Variants in EPPIN observed in about 807,000 individuals in gnomAD.
EPPIN encodes WAP four-disulfide core domain protein 7.
In EPPIN, 14 loss-of-function variants were observed where a neutral mutation model predicts 18.8. That is an observed-to-expected ratio of 0.75 (90% confidence interval 0.49 to 1.17). The LOEUF is 1.17. Among genes scored for constraint, EPPIN ranks in the 50% most tolerant of loss-of-function variants. The probability of loss-of-function intolerance (pLI) is 0.00; values close to 1 mark genes in which losing one functional copy is unlikely to be tolerated. For missense variants in EPPIN, 143 were observed against 154.2 expected (o/e 0.93, Z 0.39); for synonymous variants, 57 against 54.8 (o/e 1.04, Z -0.18).
chr20:45,542,636 C>G lies in EPPIN; in HGVS notation c.391+64G>C, dbSNP rs1241201854. 1.9e-6 allele frequency: 3 copies of G among 1,569,390 alleles called. No individual in the cohort carries two copies. The African/African-American group carries it at 4.1e-5, about 21-fold the overall frequency. On this transcript the variant is annotated intron_variant, in intron 3 of 3. Transcript: ENST00000354280. The stretch of plus-strand genomic sequence containing the variant: ...ATGTAGCTGTCCTGGAATGGACCAG[C>G]CAACACCCAGACCTCCCGGCATGGG...
intron 3 of EPPIN, chr20:45,542,499 C>G: frequency 1.3e-6 from 1 of 749,214 alleles, no homozygotes; most frequent in Non-Finnish European, 2.1e-6. Context: ...CTTCTACATC[C>G]CTTCTCATCC....
At chr20:45,542,612 T>A in intron 3 of EPPIN, 88 bp downstream of exon 3, 1 of 1,527,378 alleles carries the variant, frequency 6.5e-7, no homozygotes, top group Admixed American at 2.2e-5. Flanking sequence ...CTGCCAAAGA[T>A]GTAGCTGTCC....
intron 1 of EPPIN, chr20:45,546,136 AC>A: frequency 3.0e-6 from 1 of 337,340 alleles, no homozygotes; most frequent in Non-Finnish European, 5.4e-6. Context: ...CCTGATTGTA[AC>A]AACTGAAAAT....
intron 1 of EPPIN, 77 bp downstream of exon 1, chr20:45,547,190 T>C: frequency 6.3e-7 from 1 of 1,597,338 alleles, no homozygotes; most frequent in South Asian, 1.1e-5. Flanking sequence ...GCAACCCACA[T>C]CTGAAGAGTT....
rs1320502817 is a variant in EPPIN at position 45,540,905 on chromosome 20, A to G, written c.*1239T>C. 1 of 152,204 alleles carries G rather than the reference A, an allele frequency of 6.6e-6. No homozygotes were observed. 9.4% of individuals were successfully genotyped at this position (152,204 alleles called of 1,614,324 possible). A position where few individuals can be genotyped will look rare whatever the true frequency, so the allele number is the denominator to read the frequency against. ...ACCAGAAATACCATTTGACCCAGCA[A>G]TCCCATTACTGGGTATACACTCAAA... On this transcript the variant is annotated 3_prime_UTR_variant, in exon 4 of 4. Coordinates refer to ENST00000354280, the MANE Select transcript of EPPIN (RefSeq NM_020398.4).
chr20:45,544,153 T>C (rs1418597715), intron 2 of EPPIN: 1 of 152,172 alleles, frequency 6.6e-6, no homozygotes, highest in Non-Finnish European at 1.5e-5. Flanking sequence ...CAGAACCTTA[T>C]GGAACGTTGA....
At chr20:45,544,696 C>T (rs1600877232) in intron 2 of EPPIN, 1 of 152,304 alleles carries the variant, frequency 6.6e-6, no homozygotes, top group East Asian at 1.9e-4. Flanking sequence ...CTTTAAGATA[C>T]TCTGTTCCTC....
At chr20:45,542,215 T>A in intron 3 of EPPIN, 61 bp from the exon 4 acceptor site, 3 of 1,604,952 alleles carry the variant, frequency 1.9e-6, no homozygotes, top group Non-Finnish European at 2.6e-6. Flanking sequence ...CTTTGGAGCT[T>A]GAAGTTATGT....
At chr20:45,543,972 C>T (rs1156502544) in intron 2 of EPPIN, 4 of 152,336 alleles carry the variant, frequency 2.6e-5, no homozygotes, top group African/African-American at 7.2e-5. Context: ...CCCCATTCTA[C>T]ATTCCTCACT....
At chr20:45,542,276 G>C (rs1725636489) in intron 3 of EPPIN, 122 bp from the exon 4 acceptor site, 2 of 1,324,518 alleles carry the variant, frequency 1.5e-6, no homozygotes, top group Admixed American at 4.5e-5. Flanking sequence ...TTTGCTTTGG[G>C]GAGCTCTCCA....
chr20:45,546,053 G>T lies in EPPIN; in HGVS notation c.92-283C>A, dbSNP rs74486585. 1,818 of 486,506 alleles carry T rather than the reference G, an allele frequency of 3.7e-3. 74 individuals are homozygous for T. In the East Asian group the frequency reaches 0.053, roughly 14 times the overall value. The allele number at this position is 486,506 out of a possible 1,614,324, so 30.1% of individuals were successfully genotyped here. A position where few individuals can be genotyped will look rare whatever the true frequency, so the allele number is the denominator to read the frequency against. On this transcript the variant is annotated intron_variant, in intron 1 of 3. Coordinates refer to ENST00000354280, the MANE Select transcript of EPPIN (RefSeq NM_020398.4). Reference sequence around the variant, plus strand: ...ATTTGGGCTGGATAATTCTTTGTTTGGGGGGCTGAACTGGGGATTGTAGGA... The same window carrying T: ...ATTTGGGCTGGATAATTCTTTGTTTTGGGGGCTGAACTGGGGATTGTAGGA...
At position 45,547,302 on chromosome 20, in the gene EPPIN, A is replaced by G. The variant is rs1979877174; in HGVS notation, c.56T>C (p.Val19Ala). 1 of 1,613,854 alleles carries G rather than the reference A, an allele frequency of 6.2e-7. No individual in the cohort carries two copies. The highest frequency in any genetic ancestry group is 1.1e-5 in the South Asian group (1 of 91,088). Residue 19 changes from valine to alanine, a missense_variant, in exon 1 of 4, where the codon GTC becomes GCC. Transcript: ENST00000354280. Reference sequence around the variant, plus strand: ...CCAATCAGTCAGACCAGGTCCCTGGACATTCGCTAAGAGGACGAATAGCAC... The same window carrying G: ...CCAATCAGTCAGACCAGGTCCCTGGGCATTCGCTAAGAGGACGAATAGCAC... ...LLVLFVLLANVQGPGLTDWLF... is the reference protein window; with the variant it reads ...LLVLFVLLANAQGPGLTDWLF...
chr20:45,547,208 G>A, intron 1 of EPPIN, 59 bp downstream of exon 1: 30 of 1,610,862 alleles, frequency 1.9e-5, no homozygotes, highest in Non-Finnish European at 2.5e-5. Context: ...GTTCTTCCCT[G>A]TTCCTTCCTC....
chr20:45,543,079 A>G (rs1979671672), intron 2 of EPPIN: 3 of 761,072 alleles, frequency 3.9e-6, no homozygotes, highest in Non-Finnish European at 5.8e-6. Flanking sequence ...GGGTTGTTGC[A>G]GGTGTAATTA....
intron 2 of EPPIN, 138 bp from the exon 3 acceptor site, chr20:45,543,005 CCA>C: frequency 7.7e-7 from 1 of 1,296,620 alleles, no homozygotes; most frequent in Non-Finnish European, 1.0e-6. Flanking sequence ...GAGCACAGCT[CCA>C]CTGACATATT....
chr20:45,545,248 T>G, intron 2 of EPPIN: 2 of 190,806 alleles, frequency 1.0e-5, no homozygotes, highest in South Asian at 1.3e-4. Flanking sequence ...GGCAGAGAGG[T>G]GGTCACTCCA....
At chr20:45,544,675 A>G (rs1285228871) in intron 2 of EPPIN, 1 of 152,044 alleles carries the variant, frequency 6.6e-6, no homozygotes, top group Non-Finnish European at 1.5e-5. Flanking sequence ...CATTTCTATC[A>G]TCTTGAAGTC....
At chr20:45,545,574 C>T (rs887404904) in intron 2 of EPPIN, 65 bp downstream of exon 2, 2 of 1,608,584 alleles carry the variant, frequency 1.2e-6, no homozygotes, top group Non-Finnish European at 1.7e-6. Flanking sequence ...CAAAGCCAGT[C>T]CAGGAAGGCA....
At chr20:45,547,151 A>G (rs1371308927) in intron 1 of EPPIN, 116 bp downstream of exon 1, 3 of 1,448,630 alleles carry the variant, frequency 2.1e-6, no homozygotes, top group African/African-American at 1.4e-5. Context: ...TCCTCTCCCA[A>G]CCCGGGACCT....
Sources: gnomAD v4.1 joint callset for allele counts on GRCh38, gnomAD v4.1.1 for gene constraint, MANE v1.5 for transcripts, NCBI Gene and HGNC (gene_info 2026-07-23, HGNC 2026-07-21) for gene names.